Variants in TRPM3 observed in about 807,000 individuals in gnomAD.
TRPM3 encodes transient receptor potential cation channel subfamily M member 3.
In TRPM3, 77 loss-of-function variants were observed where a neutral mutation model predicts 181.2. The observed-to-expected ratio is 0.42, with a 90% CI of 0.35 to 0.51. The LOEUF is 0.51. Ranked by LOEUF, TRPM3 falls within the 20% of genes least tolerant of loss-of-function variation. TRPM3 has a pLI of 0.01. For missense variants in TRPM3, 1,759 were observed against 2,196.7 expected, an observed-to-expected ratio of 0.80 and a Z score of 3.98; for synonymous variants, 745 against 796.4, an observed-to-expected ratio of 0.94 and a Z score of 1.09.
At chr9:71,242,775 T>G (rs1412799609) in intron 1 of TRPM3, among the ~76,000 whole-genome samples, 1 of 152,176 alleles carries the variant, frequency 6.6e-6, no homozygotes, top group African/African-American at 2.4e-5. Flanking sequence ...TCACCTTTCA[T>G]CATCCATTCT....
chr9:71,100,907 G>A (rs2068239252), intron 1 of TRPM3, among the ~76,000 whole-genome samples: 1 of 152,128 alleles, frequency 6.6e-6, no homozygotes, highest in African/African-American at 2.4e-5. Context: ...GTGGATCTCA[G>A]GTTGAGTGTA....
chr9:70,574,749 T>A (rs1363082953), intron 22 of TRPM3, among the ~76,000 whole-genome samples: 1 of 152,144 alleles, frequency 6.6e-6, no homozygotes, highest in Non-Finnish European at 1.5e-5. Context: ...TTAGGTTAGC[T>A]GCCCAGAATG....
chr9:70,811,783 C>T (rs550770694), intron 6 of TRPM3, among the ~76,000 whole-genome samples: 1 of 152,208 alleles, frequency 6.6e-6, no homozygotes, highest in African/African-American at 2.4e-5. Context: ...CATTTAGAGG[C>T]TAATCTACCC....
intron 1 of TRPM3, among the ~76,000 whole-genome samples, chr9:70,926,580 C>T (rs1437500384): frequency 1.3e-5 from 2 of 152,178 alleles, no homozygotes; most frequent in East Asian, 1.9e-4. Context: ...TTTTCTTCAC[C>T]TAATAGTGCT....
intron 1 of TRPM3, among the ~76,000 whole-genome samples, chr9:71,282,422 G>A (rs967923620): frequency 1.1e-5 from 1 of 94,410 alleles, no homozygotes; most frequent in Non-Finnish European, 2.2e-5. Context: ...AAAAGAAAAA[G>A]AAAGAAAAAA....
chr9:70,565,146 G>A (rs866674957), intron 22 of TRPM3, among the ~76,000 whole-genome samples: 107 of 152,332 alleles, frequency 7.0e-4, no homozygotes, highest in African/African-American at 2.5e-3. Flanking sequence ...TGCTGCATAT[G>A]AACTGCTAGG....
intron 1 of TRPM3, among the ~76,000 whole-genome samples, chr9:70,888,362 GGTGTGTGTGTGTGTGTGTGTGT>G (rs71367235): frequency 1.4e-5 from 2 of 143,624 alleles, no homozygotes; most frequent in South Asian, 4.5e-4. Flanking sequence ...TTTATTTTGG[GGTGTGTGTGTGTGTGTGTGTGT>G]GTGTGTGTGT....
At chr9:70,780,218 T>C (rs2082186092) in intron 7 of TRPM3, among the ~76,000 whole-genome samples, 1 of 152,190 alleles carries the variant, frequency 6.6e-6, no homozygotes, top group African/African-American at 2.4e-5. Context: ...GAAGTCTCTA[T>C]AGCTGAATAG....
intron 8 of TRPM3, chr9:70,761,277 T>G: frequency 1.7e-6 from 1 of 599,430 alleles, no homozygotes; most frequent in South Asian, 2.1e-5. Context: ...ATCCGAAACC[T>G]AAGAAGATCA....
At chr9:70,842,395 T>TA (rs71367233) in intron 5 of TRPM3, among the ~76,000 whole-genome samples, 2 of 152,048 alleles carry the variant, frequency 1.3e-5, no homozygotes, top group Non-Finnish European at 1.5e-5. Context: ...CATTGCATTT[T>TA]AAAAAATTGC....
intron 1 of TRPM3, among the ~76,000 whole-genome samples, chr9:71,411,567 G>A (rs913757821): frequency 1.3e-5 from 2 of 152,118 alleles, no homozygotes; most frequent in African/African-American, 4.8e-5. Context: ...CCTCTTCAAG[G>A]AGAACTACAA....
chr9:71,439,709 GAAAAGATGGC>G (rs1467407604), intron 1 of TRPM3, among the ~76,000 whole-genome samples: 10 of 152,096 alleles, frequency 6.6e-5, no homozygotes, highest in African/African-American at 2.4e-4. Context: ...AAAATATGAA[GAAAAGATGGC>G]AAATTGTTCA....
At chr9:70,853,532 A>C (rs922752611) in intron 3 of TRPM3, among the ~76,000 whole-genome samples, 2 of 152,240 alleles carry the variant, frequency 1.3e-5, no homozygotes, top group African/African-American at 4.8e-5. Context: ...TTTTACATGG[A>C]TATCCAAAGG....
At chr9:71,202,747 T>C (rs1254602215) in intron 1 of TRPM3, among the ~76,000 whole-genome samples, 1 of 152,166 alleles carries the variant, frequency 6.6e-6, no homozygotes, top group Non-Finnish European at 1.5e-5. Flanking sequence ...CAGGTCTGAA[T>C]GCCAACTATG....
chr9:70,787,004 C>T (rs562455584), intron 6 of TRPM3, among the ~76,000 whole-genome samples: 1 of 152,124 alleles, frequency 6.6e-6, no homozygotes, highest in Non-Finnish European at 1.5e-5. Flanking sequence ...ATCTACAAGA[C>T]AGCAGGAAAG....
At chr9:71,195,643 G>C (rs1469554251) in intron 1 of TRPM3, among the ~76,000 whole-genome samples, 1 of 151,814 alleles carries the variant, frequency 6.6e-6, no homozygotes, top group Admixed American at 6.6e-5. Flanking sequence ...TTCTATCATA[G>C]AGATACATGC....
At chr9:71,180,942 T>TAGGAGA (rs780424611) in intron 1 of TRPM3, among the ~76,000 whole-genome samples, 1 of 152,126 alleles carries the variant, frequency 6.6e-6, no homozygotes, top group Non-Finnish European at 1.5e-5. Context: ...CTTTTAGTCG[T>TAGGAGA]AGGAGAAGTA....
chr9:71,133,941 A>T (rs2134478977), intron 1 of TRPM3, among the ~76,000 whole-genome samples: 1 of 148,630 alleles, frequency 6.7e-6, no homozygotes, highest in South Asian at 2.1e-4. Context: ...TACTGGTCTC[A>T]TTATTTTGCC....
rs189456421 is a variant in TRPM3 at position 71,429,410 on chromosome 9, G to C, written c.183+17243C>G. Among the ~76,000 whole-genome samples, 639 of 152,170 alleles carry C rather than the reference G, an allele frequency of 4.2e-3. 2 individuals carry two copies. The highest frequency in any genetic ancestry group is 0.015 in the African/African-American group (615 of 41,510). On this transcript the variant is annotated intron_variant, in intron 1 of 24. Coordinates refer to the TRPM3 transcript ENST00000357533. ...TCTCTGTGCCTTAGTTCCCTTATCT[G>C]TAAAATGAGTACAATGAGGTTGTCA...
Sources: gnomAD v4.1 joint callset for allele counts (sites outside exome capture counted in the v4.1 genomes callset) on GRCh38, gnomAD v4.1.1 for gene constraint, MANE v1.5 for transcripts, NCBI Gene and HGNC (gene_info 2026-07-23, HGNC 2026-07-21) for gene names.